The following GPR176 variants were observed in gnomAD, a reference collection of about 807,000 sequenced individuals.
GPR176 encodes G-protein coupled receptor 176.
GPR176 carries 26 observed loss-of-function variants against 35.4 expected under a neutral mutation model. The ratio of observed to expected loss-of-function variants is 0.74; its 90% CI spans 0.54 to 1.02. The LOEUF (loss-of-function observed/expected upper bound fraction) is 1.02, where lower values mean the gene tolerates loss of function less well. Among genes scored for constraint, GPR176 ranks in the 50% least tolerant of loss-of-function variants. The pLI is 0.00. For missense variants in GPR176, 597 were observed against 665.3 expected, an observed-to-expected ratio of 0.90 and a Z score of 1.13; for synonymous variants, 278 against 271.3, an observed-to-expected ratio of 1.02 and a Z score of -0.24.
At chr15:39,804,422 CTTGT>C (rs2140777975) in intron 2 of GPR176, among the ~76,000 whole-genome samples, 1 of 152,252 alleles carries the variant, frequency 6.6e-6, no homozygotes, top group African/African-American at 2.4e-5. Flanking sequence ...ACTAAAAGGA[CTTGT>C]TTTACTTTTT....
At position 39,800,957 on chromosome 15, in the gene GPR176, G is replaced by C; in HGVS notation, c.*175C>G. The C allele has an allele frequency of 1.6e-6, 1 of 611,446 alleles. No homozygotes were observed. The highest frequency in any genetic ancestry group is 2.9e-6 in the Non-Finnish European group (1 of 346,844). The allele number at this position is 611,446 out of a possible 1,614,324, so 37.9% of individuals were successfully genotyped here. A position where few individuals can be genotyped will look rare whatever the true frequency, so the allele number is the denominator to read the frequency against. On this transcript the variant is annotated 3_prime_UTR_variant, in exon 3 of 3. Coordinates refer to ENST00000561100, the MANE Select transcript of GPR176 (RefSeq NM_007223.3). ...TGGATACATATACTCCCTCAATAAA[G>C]AGGACACTGGATTTTATGTAGATTT...
At chr15:39,845,740 C>G (rs145691157) in intron 1 of GPR176, among the ~76,000 whole-genome samples, 5 of 152,160 alleles carry the variant, frequency 3.3e-5, no homozygotes, top group African/African-American at 1.2e-4. Context: ...AACAGTATAT[C>G]AGAAAGTGCA....
intron 1 of GPR176, among the ~76,000 whole-genome samples, chr15:39,885,819 G>A (rs989230795): frequency 1.3e-5 from 2 of 152,164 alleles, no homozygotes; most frequent in African/African-American, 4.8e-5. Context: ...AAGTGATGTA[G>A]AACAAGACAC....
intron 1 of GPR176, among the ~76,000 whole-genome samples, chr15:39,919,130 G>T (rs2033803887): frequency 6.6e-6 from 1 of 152,136 alleles, no homozygotes; most frequent in East Asian, 1.9e-4. Flanking sequence ...CACACTAGTA[G>T]GCTAATATTT....
chr15:39,919,734 T>C, intron 1 of GPR176, 121 bp downstream of exon 1: 1 of 698,116 alleles, frequency 1.4e-6, no homozygotes, highest in East Asian at 3.4e-5. Flanking sequence ...TAAGCTTCCT[T>C]CAACTCTCTG....
intron 1 of GPR176, among the ~76,000 whole-genome samples, chr15:39,813,871 T>C (rs958028057): frequency 6.6e-6 from 1 of 152,160 alleles, no homozygotes; most frequent in Non-Finnish European, 1.5e-5. Context: ...TCTTTGGGAA[T>C]TGAACTGAAT....
chr15:39,894,234 G>A (rs1307688780), intron 1 of GPR176, among the ~76,000 whole-genome samples: 12 of 126,676 alleles, frequency 9.5e-5, no homozygotes, highest in South Asian at 8.1e-4. Flanking sequence ...CTCACCTCCC[G>A]GACGGGGCGG....
At chr15:39,833,993 C>T (rs181825788) in intron 1 of GPR176, among the ~76,000 whole-genome samples, 38 of 152,320 alleles carry the variant, frequency 2.5e-4, no homozygotes, top group African/African-American at 9.1e-4. Context: ...GCTTTGATGA[C>T]ATTCTTTTTC....
At chr15:39,892,453 T>G (rs911052176) in intron 1 of GPR176, among the ~76,000 whole-genome samples, 1 of 152,102 alleles carries the variant, frequency 6.6e-6, no homozygotes, top group Non-Finnish European at 1.5e-5. Flanking sequence ...CTGTAAAGAG[T>G]TGAACTGTGT....
chr15:39,864,093 G>A (rs576795097), intron 1 of GPR176, among the ~76,000 whole-genome samples: 19 of 152,226 alleles, frequency 1.2e-4, no homozygotes, highest in Non-Finnish European at 2.6e-4. Flanking sequence ...GCTGAAAAGC[G>A]TGGTAAATAT....
intron 1 of GPR176, among the ~76,000 whole-genome samples, chr15:39,828,652 A>G (rs1285450799): frequency 6.6e-6 from 1 of 152,218 alleles, no homozygotes; most frequent in Non-Finnish European, 1.5e-5. Context: ...AGTAATCAGA[A>G]AAGTGTGATT....
intron 1 of GPR176, among the ~76,000 whole-genome samples, chr15:39,816,597 T>C (rs1203705159): frequency 1.3e-5 from 2 of 152,238 alleles, no homozygotes; most frequent in East Asian, 3.8e-4. Context: ...AAAGTAATGA[T>C]AACTGGCTGA....
intron 1 of GPR176, among the ~76,000 whole-genome samples, chr15:39,916,673 A>C (rs769409861): frequency 9.9e-5 from 15 of 152,240 alleles, no homozygotes; most frequent in Non-Finnish European, 2.2e-4. Context: ...AATAAAGAAA[A>C]ACGAATTTGT....
At chr15:39,820,118 G>A (rs275715) in intron 1 of GPR176, among the ~76,000 whole-genome samples, 14,378 of 152,196 alleles carry the variant, frequency 0.094, 1,880 homozygotes, top group African/African-American at 0.29. Context: ...CCTCCTGTGT[G>A]TCCTTCACCA....
chr15:39,906,454 G>A (rs2033424236), intron 1 of GPR176, among the ~76,000 whole-genome samples: 3 of 152,070 alleles, frequency 2.0e-5, no homozygotes, highest in Non-Finnish European at 4.4e-5. Context: ...ACTGCCTCTC[G>A]GCCACTCTTC....
intron 1 of GPR176, among the ~76,000 whole-genome samples, chr15:39,861,576 T>C (rs2140827631): frequency 6.6e-6 from 1 of 152,196 alleles, no homozygotes; most frequent in Non-Finnish European, 1.5e-5. Flanking sequence ...TATTTTAGTG[T>C]TGATGTGTCT....
At chr15:39,870,713 C>T (rs1188813098) in intron 1 of GPR176, among the ~76,000 whole-genome samples, 4 of 152,108 alleles carry the variant, frequency 2.6e-5, no homozygotes, top group Admixed American at 2.6e-4. Flanking sequence ...CCCTTGATTA[C>T]ACTGCATAAT....
rs1898785632 is a variant in GPR176, at chr15:39,800,526, T to TG, written c.*605_*606insC. 2 of 153,356 alleles carry TG rather than the reference T, an allele frequency of 1.3e-5. No homozygotes were observed. Among genetic ancestry groups the TG allele is most frequent in the Non-Finnish European group, 2.9e-5 (2 of 68,940 alleles). 9.5% of individuals were successfully genotyped at this position (153,356 alleles called of 1,614,324 possible). ...GGCACATCTATCGCCATGTGTACCA[T>TG]AGGTGAGGAATCGTCATTCCTTACC... On this transcript the variant is annotated 3_prime_UTR_variant, in exon 3 of 3. Coordinates refer to ENST00000561100, the MANE Select transcript of GPR176 (RefSeq NM_007223.3).
intron 1 of GPR176, among the ~76,000 whole-genome samples, chr15:39,859,846 T>C (rs1442662602): frequency 6.6e-6 from 1 of 151,832 alleles, no homozygotes; most frequent in Non-Finnish European, 1.5e-5. Context: ...GGGTGTAGAG[T>C]TTCAGTTTTG....
Sources: gnomAD v4.1 joint callset for allele counts (sites outside exome capture counted in the v4.1 genomes callset) on GRCh38, gnomAD v4.1.1 for gene constraint, MANE v1.5 for transcripts, NCBI Gene and HGNC (gene_info 2026-07-23, HGNC 2026-07-21) for gene names.